The following CDH26 variants were observed in gnomAD, a reference collection of about 807,000 sequenced individuals.
CDH26 encodes the protein cadherin 26, also known as cadherin-like protein 26.
Under a neutral mutation model 90.3 loss-of-function variants are expected in CDH26, and 83 were observed. The observed-to-expected ratio is 0.92, with a 90% CI of 0.77 to 1.10. CDH26 has a LOEUF of 1.10. Among genes scored for constraint, CDH26 ranks in the 50% least tolerant of loss-of-function variants. CDH26 has a pLI of 0.00. For missense variants in CDH26, 1,013 were observed against 1,037.6 expected, an observed-to-expected ratio of 0.98 and a Z score of 0.33; for synonymous variants, 397 against 396.3, an observed-to-expected ratio of 1.00 and a Z score of -0.02.
intron 5 of CDH26, 108 bp from the exon 6 acceptor site, chr20:59,984,531 A>T (rs2061429154): frequency 1.3e-6 from 1 of 746,064 alleles, no homozygotes; most frequent in African/African-American, 1.8e-5. Context: ...TAAACATTCC[A>T]CTCATTTTGG....
chr20:59,964,161 G>A (rs1431372333), intron 1 of CDH26, among the ~76,000 whole-genome samples: 2 of 152,194 alleles, frequency 1.3e-5, no homozygotes, highest in Non-Finnish European at 2.9e-5. Context: ...AAGCATTTTG[G>A]GAGAGAATGA....
chr20:59,988,954 G>C lies in CDH26; in HGVS notation c.1074G>C (p.Glu358Asp). The C allele has an allele frequency of 6.2e-7, 1 of 1,614,172 alleles. No individual in the cohort carries two copies. Among genetic ancestry groups the C allele is most frequent in the Non-Finnish European group, 8.5e-7 (1 of 1,180,036 alleles). The change falls in exon 9 of 18, where the codon GAG becomes GAC. Residue 358 changes from glutamate to aspartate, a missense_variant. Glu to Asp is a conservative substitution (Grantham distance 45, BLOSUM62 2). Coordinates refer to ENST00000348616, the MANE Select transcript of CDH26 (RefSeq NM_177980.4). ...CGCAAAGCCTCATCATTGTCGTGGA[G>C]AATGAGGAGAGGCTCGTCTTCTGTG... ...RPAQSLIIVVENEERLVFCER... is the reference protein window; with the variant it reads ...RPAQSLIIVVDNEERLVFCER...
At chr20:59,982,460 C>T (rs2061406422) in intron 4 of CDH26, among the ~76,000 whole-genome samples, 1 of 152,164 alleles carries the variant, frequency 6.6e-6, no homozygotes, top group Non-Finnish European at 1.5e-5. Context: ...ACTGCAGTGG[C>T]CATTTAAAAA....
chr20:60,001,526 T>C (rs1368453003), intron 15 of CDH26, 115 bp downstream of exon 15: 7 of 1,462,136 alleles, frequency 4.8e-6, no homozygotes, highest in Non-Finnish European at 5.4e-6. Flanking sequence ...AAAAGGCACA[T>C]AGTCAATGAA....
chr20:60,009,957 C>G (rs2061808143), intron 17 of CDH26, among the ~76,000 whole-genome samples: 1 of 152,160 alleles, frequency 6.6e-6, no homozygotes, highest in South Asian at 2.1e-4. Flanking sequence ...CCCCCTGCCC[C>G]CAGCTCCCCC....
intron 4 of CDH26, 68 bp downstream of exon 4, chr20:59,972,191 G>C: frequency 6.8e-7 from 1 of 1,479,918 alleles, no homozygotes; most frequent in Non-Finnish European, 9.2e-7. Flanking sequence ...TATTTGGTAA[G>C]CATTATTTAA....
intron 5 of CDH26, among the ~76,000 whole-genome samples, chr20:59,983,934 G>T (rs544197860): frequency 6.6e-6 from 1 of 152,060 alleles, no homozygotes; most frequent in Non-Finnish European, 1.5e-5. Flanking sequence ...GTATTTGACC[G>T]ATCTCCTATG....
At chr20:60,008,081 C>T (rs1277525515) in intron 17 of CDH26, among the ~76,000 whole-genome samples, 3 of 152,090 alleles carry the variant, frequency 2.0e-5, no homozygotes, top group Non-Finnish European at 2.9e-5. Flanking sequence ...GAAGGAGGTA[C>T]CAAGAAGCTG....
rs2061872308 is a variant in CDH26, at chr20:60,013,275, T to C, written c.*545T>C. 2 of 152,352 alleles carry C rather than the reference T, an allele frequency of 1.3e-5. No homozygotes were observed. Among genetic ancestry groups the C allele is most frequent in the Admixed American group, 6.5e-5 (1 of 15,300 alleles). 9.4% of individuals were successfully genotyped at this position (152,352 alleles called of 1,614,324 possible). A position where few individuals can be genotyped will look rare whatever the true frequency, so the allele number is the denominator to read the frequency against. On this transcript the variant is annotated 3_prime_UTR_variant, in exon 18 of 18. Transcript: ENST00000348616. ...TGATTAGATAAATAGATAAAATATGTTATCTTGAGAAAAATGATTATGCTG... is the reference window on the plus strand; with the variant it reads ...TGATTAGATAAATAGATAAAATATGCTATCTTGAGAAAAATGATTATGCTG...
chr20:60,004,646 GC>G (rs1171038102), intron 16 of CDH26, among the ~76,000 whole-genome samples: 1 of 151,340 alleles, frequency 6.6e-6, no homozygotes, highest in Non-Finnish European at 1.5e-5. Flanking sequence ...GGCGCCTGTA[GC>G]CCCAGCTACT....
intron 14 of CDH26, among the ~76,000 whole-genome samples, chr20:60,000,499 C>T (rs1430605750): frequency 6.6e-6 from 1 of 152,188 alleles, no homozygotes; most frequent in African/African-American, 2.4e-5. Flanking sequence ...AAACTTGCCT[C>T]CTGGGCTGGC....
intron 8 of CDH26, among the ~76,000 whole-genome samples, chr20:60,032,541 A>G (rs2062047818): frequency 6.6e-6 from 1 of 152,140 alleles, no homozygotes; most frequent in Non-Finnish European, 1.5e-5. Context: ...ATAAAGACAC[A>G]TGCACACGTA....
At position 60,031,300 on chromosome 20, in the gene CDH26, C is replaced by T. The variant is rs1012260872; in HGVS notation, c.1018C>T (p.Arg340Ter). 3.1e-6 allele frequency: 4 copies of T among 1,289,376 alleles called. No homozygotes were observed. The highest frequency in any genetic ancestry group is 3.1e-5 in the African/African-American group (2 of 64,880). The allele number at this position is 1,289,376 out of a possible 1,614,324, so 79.9% of individuals were successfully genotyped here. ...CCCCCAGGGAAGAGCCACAGCTGGG[C>T]GAGGATTGCCACAAGACATTTACAA... Residue 340 changes from arginine (R) to a stop codon, truncating the protein, a stop_gained, in exon 8 of 9, where the codon CGA (arginine) becomes TGA (stop). Coordinates refer to the CDH26 transcript ENST00000370991. LOFTEE classifies it high-confidence loss of function.
intron 17 of CDH26, among the ~76,000 whole-genome samples, chr20:60,009,513 G>T (rs1354162483): frequency 1.3e-5 from 2 of 152,212 alleles, no homozygotes; most frequent in Non-Finnish European, 2.9e-5. Flanking sequence ...GTCCTGCCTG[G>T]CTGAGCAGGA....
At position 60,012,624 on chromosome 20, in the gene CDH26, C is replaced by A. The variant is rs766481135; in HGVS notation, c.2393C>A (p.Ser798Tyr). 1.1e-5 allele frequency: 18 copies of A among 1,613,900 alleles called. No individual in the cohort carries two copies. The highest frequency in any genetic ancestry group is 1.4e-5 in the Non-Finnish European group (16 of 1,180,002). ...GECGGAPSLS[S>Y]LASLEQELQP... ...TGTGGAGGGGCCCCATCCCTCAGCT[C>A]TCTGGCCAGCTTGGAACAGGAGTTG... is the stretch of plus-strand genomic sequence containing the variant. The change falls in exon 18 of 18, where the codon TCT becomes TAT. Residue 798 changes from serine to tyrosine, a missense_variant. Coordinates refer to ENST00000348616, the MANE Select transcript of CDH26 (RefSeq NM_177980.4).
chr20:59,981,497 A>G (rs889547994), intron 4 of CDH26, among the ~76,000 whole-genome samples: 2 of 152,194 alleles, frequency 1.3e-5, no homozygotes, highest in African/African-American at 4.8e-5. Context: ...ATTTCTAATT[A>G]TGCATTGCTG....
At chr20:59,975,780 A>G (rs1437466423) in intron 4 of CDH26, among the ~76,000 whole-genome samples, 1 of 152,200 alleles carries the variant, frequency 6.6e-6, no homozygotes, top group East Asian at 1.9e-4. Flanking sequence ...AGTGGCAAAA[A>G]GACATTCTAG....
chr20:60,023,566 T>TAA lies in CDH26; in HGVS notation c.948-7654_948-7653dup, dbSNP rs554004527. On this transcript the variant is annotated intron_variant, in intron 7 of 8. Transcript: ENST00000370991. ...AAATGGCAGGAGAAATTTATAATGT[T>TAA]AAAAAAAAAAAAGCATTAGCTGCTT... is the stretch of plus-strand genomic sequence containing the variant. Among the ~76,000 whole-genome samples, 431 of 143,502 alleles carry TAA rather than the reference T, an allele frequency of 3.0e-3. 2 individuals are homozygous for TAA. The highest frequency in any genetic ancestry group is 9.7e-3 in the African/African-American group (381 of 39,308). The allele number at this position is 143,502 out of a possible 152,430, so 94.1% of individuals were successfully genotyped here.
At chr20:60,021,415 C>T (rs897691204) in intron 7 of CDH26, among the ~76,000 whole-genome samples, 1 of 152,140 alleles carries the variant, frequency 6.6e-6, no homozygotes. Flanking sequence ...GCCCACAAAG[C>T]CTTCATATTT....
Sources: allele counts gnomAD v4.1 joint callset (sites outside exome capture counted in the v4.1 genomes callset), GRCh38; gene constraint gnomAD v4.1.1; transcripts MANE v1.5; gene names NCBI Gene and HGNC (gene_info 2026-07-23, HGNC 2026-07-21).